STAC: variants seen among roughly 807,000 people sequenced by gnomAD.
The protein encoded by STAC is SH3 and cysteine rich domain.
STAC carries 43 observed loss-of-function variants against 48.8 expected under a neutral mutation model. The ratio of observed to expected loss-of-function variants is 0.88; its 90% confidence interval spans 0.69 to 1.14. STAC has a LOEUF of 1.14. Among genes scored for constraint, STAC ranks in the 50% most tolerant of loss-of-function variants. The probability of loss-of-function intolerance (pLI) is 0.00; values close to 1 mark genes in which losing one functional copy is unlikely to be tolerated. For synonymous variants in STAC, 193 were observed against 179.5 expected, an observed-to-expected ratio of 1.07 and a Z score of -0.60; for missense variants, 497 against 504.0, an observed-to-expected ratio of 0.99 and a Z score of 0.13.
intron 1 of STAC, among the ~76,000 whole-genome samples, chr3:36,435,315 A>C (rs970579185): frequency 2.6e-5 from 4 of 152,130 alleles, no homozygotes; most frequent in African/African-American, 9.7e-5. Context: ...AGAAGCAATC[A>C]AAAGAGAAAA....
chr3:36,493,702 G>C (rs1698057449), intron 6 of STAC, among the ~76,000 whole-genome samples: 1 of 152,104 alleles, frequency 6.6e-6, no homozygotes, highest in Non-Finnish European at 1.5e-5. Context: ...TTCCCCAGCA[G>C]AGACAACTAA....
intron 3 of STAC, 22 bp from the exon 4 acceptor site, chr3:36,484,955 G>A: frequency 1.3e-6 from 2 of 1,578,854 alleles, no homozygotes; most frequent in Non-Finnish European, 1.7e-6. Context: ...TTAACCCCTT[G>A]CCTTCCTCAT....
rs140524391 is a variant in STAC at position 36,472,937 on chromosome 3, C to A, written c.389-10055C>A. Among the ~76,000 whole-genome samples, 171 of 152,274 alleles carry A rather than the reference C, an allele frequency of 1.1e-3. 1 individual carries two copies. Among genetic ancestry groups the A allele is most frequent in the African/African-American group, 3.8e-3 (159 of 41,564 alleles). The stretch of plus-strand genomic sequence containing the variant: ...TTTTCAGGTATCTTTTCAGCAATGC[C>A]CCACTCTACTGGTACCAATTTACTG... On this transcript the variant is annotated intron_variant, in intron 2 of 10. Coordinates refer to ENST00000273183, the MANE Select transcript of STAC (RefSeq NM_003149.3).
chr3:36,452,239 C>T (rs1696705170), intron 2 of STAC, among the ~76,000 whole-genome samples: 1 of 152,132 alleles, frequency 6.6e-6, no homozygotes, highest in Admixed American at 6.5e-5. Context: ...TTTAAAATTT[C>T]TTCTTTTGAT....
At chr3:36,458,742 G>C (rs765935806) in intron 2 of STAC, among the ~76,000 whole-genome samples, 46 of 152,280 alleles carry the variant, frequency 3.0e-4, no homozygotes, top group Middle Eastern at 3.4e-3. Context: ...TCAATTTAGA[G>C]AAAAAATTGT....
intron 1 of STAC, among the ~76,000 whole-genome samples, chr3:36,381,918 T>G (rs894380414): frequency 1.3e-5 from 2 of 152,204 alleles, no homozygotes; most frequent in South Asian, 4.1e-4. Flanking sequence ...ACCTGGGGTA[T>G]GTGTGTCAAC....
chr3:36,492,024 AAAAAAAAATATATATATATATATATAT>A (rs1263004886), intron 5 of STAC, among the ~76,000 whole-genome samples: 1 of 41,362 alleles, frequency 2.4e-5, no homozygotes, highest in South Asian at 1.2e-3. Context: ...AAAAAAAAAA[AAAAAAAAATATATATATATATATATAT>A]ATATATATAT....
intron 8 of STAC, among the ~76,000 whole-genome samples, chr3:36,511,067 A>G (rs1278566013): frequency 1.3e-5 from 2 of 151,924 alleles, no homozygotes; most frequent in Non-Finnish European, 2.9e-5. Flanking sequence ...GGTAACTGAA[A>G]TACTAGATAG....
chr3:36,408,233 C>T (rs55994224), intron 1 of STAC, among the ~76,000 whole-genome samples: 15,366 of 152,174 alleles, frequency 0.1, 903 homozygotes, highest in East Asian at 0.24. Context: ...CTCCATAGGC[C>T]CTGCCCACAC....
intron 2 of STAC, among the ~76,000 whole-genome samples, chr3:36,470,473 G>T (rs767358633): frequency 1.2e-4 from 19 of 152,238 alleles, no homozygotes; most frequent in Non-Finnish European, 2.5e-4. Context: ...GAGGTAGCTG[G>T]GGAGTGAAGC....
At chr3:36,523,703 G>C (rs956078790) in intron 8 of STAC, among the ~76,000 whole-genome samples, 4 of 152,188 alleles carry the variant, frequency 2.6e-5, no homozygotes, top group South Asian at 2.1e-4. Flanking sequence ...AGCCACAGAA[G>C]CATGAAACAA....
intron 2 of STAC, among the ~76,000 whole-genome samples, chr3:36,472,546 T>C (rs1697369951): frequency 6.6e-6 from 1 of 152,264 alleles, no homozygotes; most frequent in African/African-American, 2.4e-5. Context: ...TGAATGCTTT[T>C]AACAGCACCC....
intron 1 of STAC, among the ~76,000 whole-genome samples, chr3:36,417,398 G>T (rs769231344): frequency 6.6e-6 from 1 of 152,058 alleles, no homozygotes; most frequent in Admixed American, 6.5e-5. Context: ...CATAGTTTAT[G>T]TTCACTCTTC....
At chr3:36,493,462 T>G (rs1236831550) in intron 6 of STAC, among the ~76,000 whole-genome samples, 1 of 150,440 alleles carries the variant, frequency 6.6e-6, no homozygotes, top group Non-Finnish European at 1.5e-5. Context: ...GAGAGTATAT[T>G]TACTCTTATG....
rs1466123501 is a variant in STAC, at chr3:36,406,317, GC to G, written c.111+25564del. Among the ~76,000 whole-genome samples the G allele has an allele frequency of 1.3e-4, 20 of 152,324 alleles. No individual in the cohort carries two copies. The East Asian group carries it at 3.9e-3, about 29-fold the overall frequency. Reference sequence around the variant, plus strand: ...AATGGGCTAAGGGAGATGTTAAACTGCAGTGCAGTTACAGCAAAGGCCTTGG... The same window carrying G: ...AATGGGCTAAGGGAGATGTTAAACTGAGTGCAGTTACAGCAAAGGCCTTGG... On this transcript the variant is annotated intron_variant, in intron 1 of 10. Coordinates refer to ENST00000273183, the MANE Select transcript of STAC (RefSeq NM_003149.3).
intron 2 of STAC, among the ~76,000 whole-genome samples, chr3:36,473,421 T>C (rs796420286): frequency 7.9e-5 from 12 of 152,292 alleles, no homozygotes; most frequent in African/African-American, 2.9e-4. Context: ...AAAATCACTA[T>C]GGGGAATTGC....
intron 1 of STAC, among the ~76,000 whole-genome samples, chr3:36,424,176 A>G (rs1700511598): frequency 1.3e-5 from 2 of 152,006 alleles, no homozygotes; most frequent in South Asian, 4.2e-4. Context: ...TCAAGTGACT[A>G]TATGGCTGCT....
chr3:36,445,554 A>C (rs1559494275), intron 2 of STAC, among the ~76,000 whole-genome samples: 1 of 152,194 alleles, frequency 6.6e-6, no homozygotes, highest in East Asian at 1.9e-4. Flanking sequence ...TGTATGCTCT[A>C]ACTTCCTAAA....
chr3:36,469,127 C>T (rs1393103481), intron 2 of STAC, among the ~76,000 whole-genome samples: 6 of 151,904 alleles, frequency 3.9e-5, no homozygotes, highest in South Asian at 2.1e-4. Flanking sequence ...TTCTATTCAT[C>T]GTGCTATTTG....
Sources: gnomAD v4.1 joint callset for allele counts (sites outside exome capture counted in the v4.1 genomes callset) on GRCh38, gnomAD v4.1.1 for gene constraint, MANE v1.5 for transcripts, NCBI Gene and HGNC (gene_info 2026-07-23, HGNC 2026-07-21) for gene names.